EMILIN2: variants seen among roughly 807,000 people sequenced by gnomAD.
EMILIN2 encodes the protein EMILIN-2.
Under a neutral mutation model 87.1 loss-of-function variants are expected in EMILIN2, and 71 were observed. That is an observed-to-expected ratio of 0.82 (90% CI 0.67 to 0.99). EMILIN2 has a LOEUF of 0.99. Among genes scored for constraint, EMILIN2 ranks in the 50% least tolerant of loss-of-function variants. The probability of loss-of-function intolerance (pLI) is 0.00; values close to 1 mark genes in which losing one functional copy is unlikely to be tolerated. For synonymous variants in EMILIN2, 581 were observed against 563.4 expected (o/e 1.03, Z -0.44); for missense variants, 1,407 against 1,371.8 (o/e 1.03, Z -0.40).
At chr18:2,871,006 T>G (rs73939060) in intron 2 of EMILIN2, among the ~76,000 whole-genome samples, 4,597 of 152,306 alleles carry the variant, frequency 0.03, 250 homozygotes, top group African/African-American at 0.11. Context: ...CTAGACCTAT[T>G]GGATCAGTAC....
Position 2,880,363 on chromosome 18 carries a change from AC to A in EMILIN2, c.258-4598del, listed in dbSNP as rs1271940301. Among the ~76,000 whole-genome samples, 2 of 152,126 alleles carry A rather than the reference AC, an allele frequency of 1.3e-5. No individual in the cohort carries two copies. The highest frequency in any genetic ancestry group is 4.8e-5 in the African/African-American group (2 of 41,420). ...GTTGCTGAACCCATTAAAATGGGAA[AC>A]CCTTGTTTTCACCTCCGAAAAGGGT... On this transcript the variant is annotated intron_variant, in intron 2 of 7. Transcript: ENST00000254528. The surrounding 1 kb of genome is among the most constrained non-coding windows in gnomAD (Gnocchi z 4.1).
In EMILIN2 at chr18:2,913,256, C is replaced by T. The variant is rs201007246; in HGVS notation, c.3014C>T (p.Pro1005Leu). 20 of 1,613,870 alleles carry T rather than the reference C, an allele frequency of 1.2e-5. No homozygotes were observed. The highest frequency in any genetic ancestry group is 6.7e-5 in the African/African-American group (5 of 75,040). Residue 1005 changes from proline (P) to leucine (L), a missense_variant, in exon 8 of 8, where the codon CCG becomes CTG. Transcript: ENST00000254528. ...PPGALHTCGG[P>L]GAFHLIVHLK... is the part of the protein sequence containing the mutation. The stretch of plus-strand genomic sequence containing the variant: ...GGAGCTTTGCATACCTGCGGGGGCC[C>T]GGGGGCATTCCACCTCATCGTGCAC...
chr18:2,870,002 A>G (rs983251469), intron 2 of EMILIN2, among the ~76,000 whole-genome samples: 1 of 152,132 alleles, frequency 6.6e-6, no homozygotes, highest in Non-Finnish European at 1.5e-5. Flanking sequence ...ACACTTTGGG[A>G]GGCTGAGGCA....
At chr18:2,875,979 ATT>A (rs67505946) in intron 2 of EMILIN2, among the ~76,000 whole-genome samples, 1,404 of 126,772 alleles carry the variant, frequency 0.011, 13 homozygotes, top group African/African-American at 0.032. Flanking sequence ...AGGATTTTAG[ATT>A]TTTTTTTTTT....
At chr18:2,907,994 CCT>C (rs1241647517) in intron 5 of EMILIN2, among the ~76,000 whole-genome samples, 2 of 152,182 alleles carry the variant, frequency 1.3e-5, no homozygotes, top group Admixed American at 6.5e-5. Flanking sequence ...CCCCATGGCC[CCT>C]GATGCCCACG....
At chr18:2,906,340 C>G (rs903093899) in intron 4 of EMILIN2, 1 of 154,394 alleles carries the variant, frequency 6.5e-6, no homozygotes, top group Non-Finnish European at 1.4e-5. Context: ...CTGGGGCCCC[C>G]CGGCAGGGTC....
rs1459000517 is a variant in EMILIN2, at chr18:2,914,454, C to A, written c.*1050C>A. 1 of 152,228 alleles carries A rather than the reference C, an allele frequency of 6.6e-6. No homozygotes were observed. Among genetic ancestry groups the A allele is most frequent in the South Asian group, 2.1e-4 (1 of 4,832 alleles). 9.4% of individuals were successfully genotyped at this position (152,228 alleles called of 1,614,324 possible). Reference sequence around the variant, plus strand: ...CTAAGCAGCAGGAAGCTCAACCTAACGCTGGCCACACGCTGACAGCTGAGC... The same window carrying A: ...CTAAGCAGCAGGAAGCTCAACCTAAAGCTGGCCACACGCTGACAGCTGAGC... On this transcript the variant is annotated 3_prime_UTR_variant, in exon 8 of 8. Transcript: ENST00000254528.
In EMILIN2 at chr18:2,890,625, A is replaced by G. The variant is rs1197607382; in HGVS notation, c.498A>G (p.Pro166=). The change falls in exon 4 of 8, where the codon CCA becomes CCG. Residue 166 remains proline, a synonymous_variant. Coordinates refer to ENST00000254528, the MANE Select transcript of EMILIN2 (RefSeq NM_032048.3). This position sits in a 1 kb window ranked among gnomAD's most constrained non-coding sequence, Gnocchi z 4.7. The part of the protein sequence containing the change: ...KTLSPTGTAQ[P]SWGVDPKEGP... Reference sequence around the variant, plus strand: ...TGTCCCCAACTGGTACAGCACAACCAAGCTGGGGGGTAGATCCAAAAGAGG... The same window carrying G: ...TGTCCCCAACTGGTACAGCACAACCGAGCTGGGGGGTAGATCCAAAAGAGG... 6.2e-7 allele frequency: 1 copy of G among 1,613,388 alleles called. No homozygotes were observed. Among genetic ancestry groups the G allele is most frequent in the Non-Finnish European group, 8.5e-7 (1 of 1,179,352 alleles).
At chr18:2,861,894 C>T (rs1165153784) in intron 2 of EMILIN2, among the ~76,000 whole-genome samples, 1 of 152,112 alleles carries the variant, frequency 6.6e-6, no homozygotes, top group East Asian at 1.9e-4. Flanking sequence ...TTGTTTGTAT[C>T]CTCTTTTATT....
chr18:2,866,815 AT>A (rs1369719218), intron 2 of EMILIN2, among the ~76,000 whole-genome samples: 1 of 152,114 alleles, frequency 6.6e-6, no homozygotes, highest in African/African-American at 2.4e-5. Flanking sequence ...TCTGTTCAGT[AT>A]TATGTTGGCT....
intron 6 of EMILIN2, 50 bp downstream of exon 6, chr18:2,909,025 C>A (rs200715117): frequency 2.1e-5 from 34 of 1,605,344 alleles, no homozygotes; most frequent in Non-Finnish European, 2.8e-5. Flanking sequence ...CCTTGGTGGC[C>A]TCTGCCCCTC....
At chr18:2,855,367 G>A (rs2143955319) in intron 2 of EMILIN2, among the ~76,000 whole-genome samples, 1 of 152,286 alleles carries the variant, frequency 6.6e-6, no homozygotes, top group Middle Eastern at 3.4e-3. Flanking sequence ...GCCGAGACTG[G>A]GGCCTTGGAA....
At chr18:2,877,777 C>CAA (rs756901867) in intron 2 of EMILIN2, among the ~76,000 whole-genome samples, 9 of 105,184 alleles carry the variant, frequency 8.6e-5, no homozygotes, top group South Asian at 3.1e-4. Flanking sequence ...CATTCCATCT[C>CAA]AAAAAAAAAA....
intron 7 of EMILIN2, among the ~76,000 whole-genome samples, chr18:2,912,173 C>T (rs1456098452): frequency 4.0e-5 from 6 of 151,466 alleles, no homozygotes; most frequent in Non-Finnish European, 7.4e-5. Context: ...TGAGTAGTTG[C>T]GACTACAGGT....
Position 2,913,332 on chromosome 18 carries a change from TCA to T in EMILIN2, c.3095_3096del (p.Thr1032ArgfsTer3). On this transcript the variant is annotated frameshift_variant, in exon 8 of 8. Transcript: ENST00000254528. LOFTEE classifies it high-confidence loss of function. ...TCGTGGTGACTGGGGGCAAGCTGGC[TCA>T]CACAGACTTTGATGAAATGTACTCC... The part of the protein sequence containing the change: ...NVVVTGGKLA[H>X]TDFDEMYSTF... The T allele has an allele frequency of 2.5e-6, 4 of 1,612,868 alleles. 1 individual carries two copies. The East Asian group carries it at 6.7e-5, about 27-fold the overall frequency.
rs764816991 is a variant in EMILIN2 at position 2,892,397 on chromosome 18, G to A, written c.2270G>A (p.Gly757Asp). Residue 757 changes from glycine to aspartate, a missense_variant, in exon 4 of 8, where the codon GGC becomes GAC. Coordinates refer to ENST00000254528, the MANE Select transcript of EMILIN2 (RefSeq NM_032048.3). ...AGGTCGCATTCCAGAGACATTTCTGGCCTGAAGAATTCAGTCCAGCAGTTC... is the reference window on the plus strand; with the variant it reads ...AGGTCGCATTCCAGAGACATTTCTGACCTGAAGAATTCAGTCCAGCAGTTC... ...TLRSHSRDIS[G>D]LKNSVQQFYS... is the part of the protein sequence containing the mutation. 6.2e-7 allele frequency: 1 copy of A among 1,614,056 alleles called. No individual in the cohort carries two copies. Among genetic ancestry groups the A allele is most frequent in the Non-Finnish European group, 8.5e-7 (1 of 1,180,036 alleles).
intron 4 of EMILIN2, among the ~76,000 whole-genome samples, chr18:2,902,542 C>T (rs1012926065): frequency 2.0e-5 from 3 of 152,038 alleles, no homozygotes; most frequent in African/African-American, 7.2e-5. Context: ...TGGAAGAGGC[C>T]ATTTCAGGGG....
At chr18:2,905,592 A>G (rs2076906724) in intron 4 of EMILIN2, among the ~76,000 whole-genome samples, 1 of 151,172 alleles carries the variant, frequency 6.6e-6, no homozygotes, top group Non-Finnish European at 1.5e-5. Context: ...AACTCTGTCT[A>G]ACTATATTTT....
rs1467936825 is a variant in EMILIN2, at chr18:2,898,920, C to A, written c.2359+6434C>A. Among the ~76,000 whole-genome samples, 3 of 152,182 alleles carry A rather than the reference C, an allele frequency of 2.0e-5. No individual in the cohort carries two copies. In the East Asian group the frequency reaches 5.8e-4, roughly 29 times the overall value. ...TATTCAGGCCATAGGGAACTCCTGA[C>A]AACTCGCCCCCTTTATCCTGTAGGC... On this transcript the variant is annotated intron_variant, in intron 4 of 7. Transcript: ENST00000254528.
Sources: gnomAD v4.1 joint callset for allele counts (sites outside exome capture counted in the v4.1 genomes callset) on GRCh38, gnomAD v4.1.1 for gene constraint, Gnocchi (gnomAD v3.1) non-coding constraint, MANE v1.5 for transcripts, NCBI Gene and HGNC (gene_info 2026-07-23, HGNC 2026-07-21) for gene names.